STK32A: variants seen among roughly 807,000 people sequenced by gnomAD.
The protein encoded by STK32A is serine/threonine kinase 32A.
STK32A carries 41 observed loss-of-function variants against 53.2 expected under a neutral mutation model. That is an observed-to-expected ratio of 0.77 (90% CI 0.60 to 1.00). The LOEUF (loss-of-function observed/expected upper bound fraction) is 1.00. Among genes scored for constraint, STK32A ranks in the 50% least tolerant of loss-of-function variants. STK32A has a pLI of 0.00. For missense variants in STK32A, 458 were observed against 485.8 expected (o/e 0.94, Z 0.54); for synonymous variants, 166 against 162.8 (o/e 1.02, Z -0.15).
chr5:147,261,035 T>C (rs1178340866), intron 2 of STK32A, among the ~76,000 whole-genome samples: 1 of 152,172 alleles, frequency 6.6e-6, no homozygotes, highest in Non-Finnish European at 1.5e-5. Context: ...GGCCACTTTC[T>C]TTTTTTCCCG....
At chr5:147,400,274 G>A in the STK32A span, among the ~76,000 whole-genome samples, 49 of 152,196 alleles carry the variant, frequency 3.2e-4, no homozygotes, top group Admixed American at 1.2e-3. Flanking sequence ...CTCAGTACAG[G>A]GCGTCCTTGA....
At chr5:147,350,560 G>A (rs1453653544) in intron 6 of STK32A, among the ~76,000 whole-genome samples, 1 of 151,732 alleles carries the variant, frequency 6.6e-6, no homozygotes, top group East Asian at 1.9e-4. Flanking sequence ...TAGAGACAGG[G>A]TTTCACCATT....
At chr5:147,329,767 C>A (rs1016569383) in intron 5 of STK32A, among the ~76,000 whole-genome samples, 1 of 152,178 alleles carries the variant, frequency 6.6e-6, no homozygotes, top group Admixed American at 6.5e-5. Flanking sequence ...CAATCTTAAG[C>A]CCTCATAAGT....
chr5:147,249,908 CAAAAAAA>C (rs35848112), intron 2 of STK32A, among the ~76,000 whole-genome samples: 2 of 58,580 alleles, frequency 3.4e-5, no homozygotes, highest in African/African-American at 1.3e-4. Flanking sequence ...GCCTCTGTCT[CAAAAAAA>C]AAAAAAAAAA....
chr5:147,390,299 A>G (rs1757764788), downstream of STK32A, among the ~76,000 whole-genome samples: 1 of 152,194 alleles, frequency 6.6e-6, no homozygotes. Context: ...TGAAAGCTCT[A>G]AGAAGAGCAG....
chr5:147,247,957 A>G (rs1753825727), intron 2 of STK32A, among the ~76,000 whole-genome samples: 1 of 151,980 alleles, frequency 6.6e-6, no homozygotes, highest in Non-Finnish European at 1.5e-5. Context: ...CCCTGTCTAT[A>G]TTAAAAATAC....
At chr5:147,355,788 G>GTATA (rs1354487817) in intron 7 of STK32A, among the ~76,000 whole-genome samples, 2 of 137,510 alleles carry the variant, frequency 1.5e-5, no homozygotes, top group African/African-American at 5.3e-5. Flanking sequence ...GTGAGTGTGT[G>GTATA]TGTGTATATA....
chr5:147,319,457 T>C (rs1754189767), intron 4 of STK32A, among the ~76,000 whole-genome samples: 1 of 152,114 alleles, frequency 6.6e-6, no homozygotes, highest in African/African-American at 2.4e-5. Context: ...GGGGTATTGT[T>C]TTTATAGACT....
At chr5:147,358,410 C>A (rs1756353310) in intron 7 of STK32A, among the ~76,000 whole-genome samples, 1 of 152,122 alleles carries the variant, frequency 6.6e-6, no homozygotes, top group Admixed American at 6.5e-5. Context: ...ACATTCTTAT[C>A]ACCAACAGTT....
intron 2 of STK32A, among the ~76,000 whole-genome samples, chr5:147,277,631 C>T (rs188130125): frequency 1.3e-3 from 200 of 152,242 alleles, no homozygotes; most frequent in African/African-American, 4.4e-3. Flanking sequence ...GCAAGGAGAA[C>T]ATTTTAAAGT....
intron 8 of STK32A, among the ~76,000 whole-genome samples, chr5:147,365,789 C>A (rs376494444): frequency 2.0e-5 from 3 of 152,014 alleles, no homozygotes; most frequent in Admixed American, 6.6e-5. Context: ...AACAGACAAA[C>A]GACTATCTGT....
chr5:147,373,951 G>A (rs1757116981), intron 10 of STK32A, among the ~76,000 whole-genome samples: 2 of 152,016 alleles, frequency 1.3e-5, no homozygotes, highest in Admixed American at 1.3e-4. Context: ...TCAGTTGTAG[G>A]TATATTGGGC....
intron 2 of STK32A, among the ~76,000 whole-genome samples, chr5:147,261,297 C>T (rs541574632): frequency 6.6e-6 from 1 of 152,170 alleles, no homozygotes; most frequent in Admixed American, 6.5e-5. Flanking sequence ...TAGAAGGGTG[C>T]GCCCTTACAG....
chr5:147,244,679 T>C (rs1753710664), intron 2 of STK32A, among the ~76,000 whole-genome samples: 1 of 152,190 alleles, frequency 6.6e-6, no homozygotes, highest in African/African-American at 2.4e-5. Flanking sequence ...AAACTTGAGG[T>C]ACCACAAGAA....
intron 2 of STK32A, among the ~76,000 whole-genome samples, chr5:147,256,594 C>T (rs552169945): frequency 1.3e-5 from 2 of 152,284 alleles, no homozygotes; most frequent in African/African-American, 4.8e-5. Flanking sequence ...TCACTGCAAC[C>T]TCTGCTTCCC....
Position 147,381,656 on chromosome 5 carries a change from G to A in STK32A, c.1033-1785G>A, listed in dbSNP as rs554176168. Among the ~76,000 whole-genome samples, 14 of 147,912 alleles carry A rather than the reference G, an allele frequency of 9.5e-5. 1 individual carries two copies. In the East Asian group the frequency reaches 2.8e-3, roughly 29 times the overall value. On this transcript the variant is annotated intron_variant, in intron 11 of 12. Coordinates refer to ENST00000397936, the MANE Select transcript of STK32A (RefSeq NM_001112724.2). ...AAAGTCTGTCAGAAAAAAAAAAAAA[G>A]GAAAGTTTGATTATATTATGTGTCA...
At chr5:147,364,073 G>C (rs1756637421) in intron 8 of STK32A, among the ~76,000 whole-genome samples, 1 of 151,824 alleles carries the variant, frequency 6.6e-6, no homozygotes, top group Non-Finnish European at 1.5e-5. Context: ...AAATTAGCCG[G>C]GCATGGTGGT....
chr5:147,344,237 A>G (rs950296007), intron 6 of STK32A, among the ~76,000 whole-genome samples: 1 of 152,150 alleles, frequency 6.6e-6, no homozygotes, highest in African/African-American at 2.4e-5. Flanking sequence ...CCTATTTTTG[A>G]GCCTGATTTT....
intron 6 of STK32A, among the ~76,000 whole-genome samples, chr5:147,349,837 C>T (rs907725183): frequency 5.3e-5 from 8 of 152,026 alleles, no homozygotes; most frequent in South Asian, 2.1e-4. Context: ...ACTGGCCGGG[C>T]GCAGTGGCTC....
Sources: gnomAD v4.1 joint callset for allele counts (sites outside exome capture counted in the v4.1 genomes callset) on GRCh38, gnomAD v4.1.1 for gene constraint, MANE v1.5 for transcripts, NCBI Gene and HGNC (gene_info 2026-07-23, HGNC 2026-07-21) for gene names.